RSRC1: variants seen among roughly 807,000 people sequenced by gnomAD.
RSRC1 encodes the protein arginine and serine rich coiled-coil 1, also known as serine/Arginine-related protein 53.
In RSRC1, 39 loss-of-function variants were observed where a neutral mutation model predicts 49.1. The ratio of observed to expected loss-of-function variants is 0.79; its 90% CI spans 0.61 to 1.04. The LOEUF (loss-of-function observed/expected upper bound fraction) is 1.04, where lower values mean the gene tolerates loss of function less well. Ranked by LOEUF, RSRC1 falls within the 50% of genes least tolerant of loss-of-function variation. The probability of loss-of-function intolerance (pLI) is 0.00; values close to 1 mark genes in which losing one functional copy is unlikely to be tolerated. For synonymous variants in RSRC1, 143 were observed against 130.8 expected, an observed-to-expected ratio of 1.09 and a Z score of -0.63; for missense variants, 388 against 402.4, an observed-to-expected ratio of 0.96 and a Z score of 0.31.
intron 3 of RSRC1, chr3:158,132,224 G>C (rs1024519552): frequency 3.2e-4 from 124 of 391,378 alleles, no homozygotes; most frequent in Admixed American, 3.0e-3. Flanking sequence ...GAGCTCAAGC[G>C]ATCCCCCTGC....
At chr3:158,321,845 C>G (rs957409652) in intron 5 of RSRC1, among the ~76,000 whole-genome samples, 3 of 152,002 alleles carry the variant, frequency 2.0e-5, no homozygotes. Context: ...CCTCTGTGCT[C>G]CTCTCCTTTG....
intron 5 of RSRC1, among the ~76,000 whole-genome samples, chr3:158,321,974 TACACACACACAC>T (rs71144456): frequency 4.2e-4 from 63 of 148,506 alleles, no homozygotes; most frequent in African/African-American, 1.4e-3. Context: ...TTTTAACACC[TACACACACACAC>T]ACACACACAC....
chr3:158,290,901 A>G (rs911314686), intron 4 of RSRC1, among the ~76,000 whole-genome samples: 1 of 152,290 alleles, frequency 6.6e-6, no homozygotes, highest in East Asian at 1.9e-4. Flanking sequence ...TCTACTGTAC[A>G]TTTTTATTTT....
chr3:158,276,373 C>T (rs2108066489), intron 4 of RSRC1: 1 of 779,464 alleles, frequency 1.3e-6, no homozygotes, highest in Non-Finnish European at 2.3e-6. Flanking sequence ...CGCATGATGA[C>T]ATCAGGCTGC....
At chr3:158,541,753 A>C (rs1037824006) in intron 8 of RSRC1, among the ~76,000 whole-genome samples, 1 of 151,756 alleles carries the variant, frequency 6.6e-6, no homozygotes, top group Non-Finnish European at 1.5e-5. Flanking sequence ...GTTTTTTTTT[A>C]ATTTTACTTT....
chr3:158,111,239 G>T (rs1379349850), intron 1 of RSRC1, among the ~76,000 whole-genome samples: 1 of 152,214 alleles, frequency 6.6e-6, no homozygotes, highest in Non-Finnish European at 1.5e-5. Flanking sequence ...TAGTCTTAGA[G>T]TTTATAAATA....
intron 8 of RSRC1, among the ~76,000 whole-genome samples, chr3:158,540,017 C>T (rs1712946412): frequency 1.3e-5 from 2 of 152,148 alleles, no homozygotes; most frequent in Admixed American, 6.5e-5. Flanking sequence ...CCCTATCATG[C>T]CATGGCTAAG....
At chr3:158,521,721 A>G (rs1424386831) in intron 7 of RSRC1, among the ~76,000 whole-genome samples, 5 of 152,128 alleles carry the variant, frequency 3.3e-5, no homozygotes, top group African/African-American at 1.2e-4. Context: ...GACTTAAAGC[A>G]TTGTATTTGT....
At chr3:158,254,691 C>G (rs1387527674) in intron 4 of RSRC1, among the ~76,000 whole-genome samples, 1 of 152,128 alleles carries the variant, frequency 6.6e-6, no homozygotes, top group African/African-American at 2.4e-5. Flanking sequence ...CTCGGCCTCT[C>G]AAAGTGCTGG....
chr3:158,529,417 G>T (rs1712249524), intron 7 of RSRC1, among the ~76,000 whole-genome samples: 1 of 151,702 alleles, frequency 6.6e-6, no homozygotes, highest in South Asian at 2.1e-4. Context: ...CACAATTCAG[G>T]GGTTGAATCC....
At chr3:158,263,468 C>A (rs1232544363) in intron 4 of RSRC1, among the ~76,000 whole-genome samples, 6 of 151,904 alleles carry the variant, frequency 3.9e-5, no homozygotes, top group African/African-American at 1.2e-4. Context: ...TTATTTAGAA[C>A]GTTGTTTTGC....
chr3:158,210,213 G>T (rs1360824036), intron 4 of RSRC1, among the ~76,000 whole-genome samples: 1 of 152,080 alleles, frequency 6.6e-6, no homozygotes, highest in Non-Finnish European at 1.5e-5. Flanking sequence ...TTAAGTGTCT[G>T]TTTGGATCAA....
rs1357337112 is a variant in RSRC1, at chr3:158,440,132, ATT to A, written c.584-20798_584-20797del. Reference sequence around the variant, plus strand: ...CATGTGTCCCAGAACTTAAAATAAAATTTTTTAAAAAGGCACATAATTGTGAA... The same window carrying A: ...CATGTGTCCCAGAACTTAAAATAAAATTTTAAAAAGGCACATAATTGTGAA... On this transcript the variant is annotated intron_variant, in intron 6 of 9. Coordinates refer to ENST00000611884, the MANE Select transcript of RSRC1 (RefSeq NM_001271838.2). Among the ~76,000 whole-genome samples the A allele has an allele frequency of 2.2e-4, 34 of 152,102 alleles. 1 individual carries two copies. The highest frequency in any genetic ancestry group is 2.2e-3 in the Admixed American group (33 of 15,268).
At chr3:158,423,587 A>T (rs1735211332) in intron 6 of RSRC1, among the ~76,000 whole-genome samples, 1 of 152,142 alleles carries the variant, frequency 6.6e-6, no homozygotes, top group Non-Finnish European at 1.5e-5. Flanking sequence ...AATGAACTTT[A>T]AAGTAGTTTT....
chr3:158,232,239 G>GAT (rs10653264), intron 4 of RSRC1, among the ~76,000 whole-genome samples: 93,063 of 151,650 alleles, frequency 0.61, 28,905 homozygotes, highest in East Asian at 0.73. Context: ...ACTTTAAAAA[G>GAT]ATATATATTT....
At chr3:158,244,918 C>T (rs760535092) in intron 4 of RSRC1, among the ~76,000 whole-genome samples, 26 of 149,944 alleles carry the variant, frequency 1.7e-4, no homozygotes, top group Non-Finnish European at 3.1e-4. Context: ...GCATAAAGGT[C>T]TTTATAGTAT....
At chr3:158,205,661 C>T (rs906853773) in intron 4 of RSRC1, among the ~76,000 whole-genome samples, 1 of 152,140 alleles carries the variant, frequency 6.6e-6, no homozygotes. Context: ...TTGGCTGTAA[C>T]GAAACCTAAC....
rs73027921 is a variant in RSRC1 at position 158,200,027 on chromosome 3, A to G, written c.321-3045A>G. Among the ~76,000 whole-genome samples the G allele has an allele frequency of 1.0e-2, 1,516 of 151,998 alleles. 31 individuals carry two copies. The highest frequency in any genetic ancestry group is 0.035 in the African/African-American group (1,443 of 41,504). On this transcript the variant is annotated intron_variant, in intron 3 of 9. Transcript: ENST00000611884. ...CCTGTACTTGCTGTTTATATGATGT[A>G]TATATTTTTATCCATTTACTTTTTT... is the stretch of plus-strand genomic sequence containing the variant.
intron 6 of RSRC1, among the ~76,000 whole-genome samples, chr3:158,412,525 ATTTG>A (rs1322434153): frequency 5.3e-5 from 8 of 152,082 alleles, no homozygotes; most frequent in South Asian, 2.1e-4. Context: ...TTCTTTTTAT[ATTTG>A]TTTATGTTAT....
Sources: allele counts gnomAD v4.1 joint callset (sites outside exome capture counted in the v4.1 genomes callset), GRCh38; gene constraint gnomAD v4.1.1; transcripts MANE v1.5; gene names NCBI Gene and HGNC (gene_info 2026-07-23, HGNC 2026-07-21).